Variants in NRXN1 observed in about 807,000 individuals in gnomAD.
NRXN1 encodes the protein neurexin 1, also known as neurexin-1.
In NRXN1, 39 loss-of-function variants were observed where a neutral mutation model predicts 150.9. That is an observed-to-expected ratio of 0.26 (90% CI 0.20 to 0.34). The LOEUF is 0.34. Ranked by LOEUF, NRXN1 falls within the 10% of genes least tolerant of loss-of-function variation. The pLI is 1.00. For missense variants in NRXN1, 1,815 were observed against 1,949.9 expected, an observed-to-expected ratio of 0.93 and a Z score of 1.30; for synonymous variants, 924 against 757.0, an observed-to-expected ratio of 1.22 and a Z score of -3.62.
In NRXN1 at chr2:51,028,098, T is replaced by C. The variant is rs1311818932; in HGVS notation, c.176A>G (p.Lys59Arg). 2 of 1,582,656 alleles carry C rather than the reference T, an allele frequency of 1.3e-6. No homozygotes were observed. The highest frequency in any genetic ancestry group is 2.3e-5 in the East Asian group (1 of 43,898). Residue 59 changes from lysine (K) to arginine (R), a missense_variant, in exon 2 of 23, where the codon AAG becomes AGG. Physicochemically the swap from Lys to Arg is conservative, Grantham distance 26 (BLOSUM62 2). This residue lies in a region of NRXN1 where 554 missense variants were observed against 478.8 expected (regional missense o/e 1.16). Transcript: ENST00000401669. Reference sequence around the variant, plus strand: ...CACGAGGCCGCGGGCGCTGCGAGTCTTGAGCTGGAAGCTCATCTCGCTCTC... The same window carrying C: ...CACGAGGCCGCGGGCGCTGCGAGTCCTGAGCTGGAAGCTCATCTCGCTCTC... ...CCESEMSFQL[K>R]TRSARGLVLY...
chr2:50,046,312 T>G (rs1201943603), intron 21 of NRXN1, among the ~76,000 whole-genome samples: 1 of 152,082 alleles, frequency 6.6e-6, no homozygotes, highest in African/African-American at 2.4e-5. Flanking sequence ...CATACATACA[T>G]CCCTTAGGGG....
intron 17 of NRXN1, among the ~76,000 whole-genome samples, chr2:50,291,933 A>G (rs1020150874): frequency 1.3e-5 from 2 of 151,912 alleles, no homozygotes; most frequent in African/African-American, 4.8e-5. Context: ...AGCTTATTAA[A>G]CCTTAATGGC....
At chr2:50,511,468 T>C (rs2092449828) in intron 12 of NRXN1, among the ~76,000 whole-genome samples, 1 of 152,202 alleles carries the variant, frequency 6.6e-6, no homozygotes, top group Admixed American at 6.5e-5. Flanking sequence ...TCAGTGCTTG[T>C]CAACAGAGTT....
At chr2:50,235,704 T>C (rs924128061) in intron 18 of NRXN1, among the ~76,000 whole-genome samples, 2 of 151,830 alleles carry the variant, frequency 1.3e-5, no homozygotes, top group African/African-American at 2.4e-5. Flanking sequence ...CTTTGGAGAG[T>C]GAGCACTGAT....
chr2:50,654,419 T>C (rs1403733445), intron 5 of NRXN1, among the ~76,000 whole-genome samples: 4 of 151,838 alleles, frequency 2.6e-5, no homozygotes, highest in East Asian at 2.0e-4. Context: ...TTTCTTAATC[T>C]AGTCTATCAT....
At chr2:50,833,781 A>G (rs2105898667) in intron 5 of NRXN1, among the ~76,000 whole-genome samples, 1 of 152,332 alleles carries the variant, frequency 6.6e-6, no homozygotes, top group Non-Finnish European at 1.5e-5. Flanking sequence ...TACCACTCAA[A>G]AAGTCAATTT....
intron 9 of NRXN1, 100 bp from the exon 10 acceptor site, chr2:50,538,736 G>A (rs2093324911): frequency 3.2e-6 from 3 of 931,310 alleles, no homozygotes; most frequent in Non-Finnish European, 2.9e-6. Context: ...CTCCTTGGAG[G>A]CAGACAATTA....
At chr2:50,369,100 A>G (rs1264404224) in intron 17 of NRXN1, among the ~76,000 whole-genome samples, 1 of 151,910 alleles carries the variant, frequency 6.6e-6, no homozygotes, top group African/African-American at 2.4e-5. Context: ...GTACCTTCCC[A>G]GGGAGTCAGG....
chr2:50,066,370 A>G (rs1362855987), intron 19 of NRXN1, among the ~76,000 whole-genome samples: 2 of 152,222 alleles, frequency 1.3e-5, no homozygotes, highest in East Asian at 3.8e-4. Context: ...ATAATGAGAC[A>G]TAAGTACGCA....
rs1306929003 is a variant in NRXN1 at position 50,506,568 on chromosome 2, C to T, written c.2424G>A (p.Glu808=). 2.5e-6 allele frequency: 4 copies of T among 1,613,372 alleles called. No homozygotes were observed. The African/African-American group carries it at 5.3e-5, about 22-fold the overall frequency. ...GCCGAACTACACGCACTGTGTGCCACTCGTTATCATTGAGGTTATAGCCAG... is the reference window on the plus strand; with the variant it reads ...GCCGAACTACACGCACTGTGTGCCATTCGTTATCATTGAGGTTATAGCCAG... The part of the protein sequence containing the change: ...LFAGYNLNDN[E]WHTVRVVRRG... The change falls in exon 13 of 23, where the codon GAG becomes GAA. Residue 808 remains glutamate (E), a synonymous_variant. Coordinates refer to ENST00000401669, the MANE Select transcript of NRXN1 (RefSeq NM_001330078.2).
chr2:51,024,927 A>C (rs1365432892), intron 2 of NRXN1, among the ~76,000 whole-genome samples: 1 of 152,114 alleles, frequency 6.6e-6, no homozygotes, highest in Non-Finnish European at 1.5e-5. Flanking sequence ...CTACAGGCAG[A>C]GCTTTGTTGA....
chr2:50,602,848 G>C (rs115062755), intron 8 of NRXN1, among the ~76,000 whole-genome samples: 1 of 152,234 alleles, frequency 6.6e-6, no homozygotes, highest in Non-Finnish European at 1.5e-5. Flanking sequence ...GTGATCATAG[G>C]ACCAACTACA....
At chr2:50,949,062 C>T (rs1291497734) in intron 2 of NRXN1, among the ~76,000 whole-genome samples, 1 of 151,934 alleles carries the variant, frequency 6.6e-6, no homozygotes, top group Non-Finnish European at 1.5e-5. Flanking sequence ...TTAATTAGTC[C>T]AGCATTTGTT....
intron 17 of NRXN1, among the ~76,000 whole-genome samples, chr2:50,358,955 C>T (rs1441051020): frequency 4.6e-5 from 7 of 152,098 alleles, no homozygotes; most frequent in Admixed American, 3.9e-4. Flanking sequence ...CTGGAGCGGA[C>T]CCCCCAGCAA....
intron 18 of NRXN1, among the ~76,000 whole-genome samples, chr2:50,180,097 C>A (rs573729568): frequency 6.6e-6 from 1 of 152,220 alleles, no homozygotes; most frequent in South Asian, 2.1e-4. Flanking sequence ...TCAGACCTCA[C>A]TGTAGCCTTG....
intron 5 of NRXN1, among the ~76,000 whole-genome samples, chr2:50,710,035 C>T (rs972720070): frequency 1.2e-4 from 18 of 152,126 alleles, no homozygotes; most frequent in African/African-American, 4.3e-4. Flanking sequence ...GACTAGAAAG[C>T]ATCCACCAGA....
At chr2:49,956,688 G>GTTA (rs1675018982) in intron 21 of NRXN1, among the ~76,000 whole-genome samples, 1 of 152,198 alleles carries the variant, frequency 6.6e-6, no homozygotes, top group South Asian at 2.1e-4. Context: ...CTCTCTTCCA[G>GTTA]TTATTATTAT....
chr2:50,979,637 C>A (rs758128462), intron 2 of NRXN1, among the ~76,000 whole-genome samples: 3 of 152,084 alleles, frequency 2.0e-5, no homozygotes, highest in Non-Finnish European at 4.4e-5. Context: ...CCATGCAGGG[C>A]TTGCTCTGTG....
In NRXN1 at chr2:50,827,562, A is replaced by G. The variant is rs188259742; in HGVS notation, c.832+94307T>C. On this transcript the variant is annotated intron_variant, in intron 5 of 22. Coordinates refer to ENST00000401669, the MANE Select transcript of NRXN1 (RefSeq NM_001330078.2). ...CTTACTTTCAAATGTCACAATAGCA[A>G]TAAATTATTGATTTCCACATCTAAA... Among the ~76,000 whole-genome samples, 69 of 152,374 alleles carry G rather than the reference A, an allele frequency of 4.5e-4. No individual in the cohort carries two copies. The East Asian group carries it at 6.9e-3, about 15-fold the overall frequency.
Sources: gnomAD v4.1 joint callset for allele counts (sites outside exome capture counted in the v4.1 genomes callset) on GRCh38, gnomAD v4.1.1 for gene constraint, gnomAD v4.1.1 regional missense constraint, MANE v1.5 for transcripts, NCBI Gene and HGNC (gene_info 2026-07-23, HGNC 2026-07-21) for gene names.